The following NEB variants were observed in gnomAD, a reference collection of about 807,000 sequenced individuals.
NEB encodes the protein nemaline myopathy type 2.
NEB carries 512 observed loss-of-function variants against 952.2 expected under a neutral mutation model. That is an observed-to-expected ratio of 0.54 (90% CI 0.50 to 0.58). The LOEUF (loss-of-function observed/expected upper bound fraction) is 0.58. Ranked by LOEUF, NEB falls within the 20% of genes least tolerant of loss-of-function variation. The pLI is 0.00. For missense variants in NEB, 8,428 were observed against 9,231.1 expected (o/e 0.91, Z 3.56); for synonymous variants, 2,900 against 3,149.8 (o/e 0.92, Z 2.66).
At chr2:151,519,625 G>T in intron 154 of NEB, 33 bp downstream of exon 154, 2 of 1,466,366 alleles carry the variant, frequency 1.4e-6, no homozygotes, top group Non-Finnish European at 1.9e-6. Context: ...CAAATACCAT[G>T]TTATATATTT....
In NEB at chr2:151,607,143, C is replaced by A. The variant is rs371598031; in HGVS notation, c.12639+361G>T. Reference sequence around the variant, plus strand: ...ATAGATATCATACCTAGCCCGCCATCTGGATGTAAATAGAAATGGTCTTTT... The same window carrying A: ...ATAGATATCATACCTAGCCCGCCATATGGATGTAAATAGAAATGGTCTTTT... On this transcript the variant is annotated intron_variant, in intron 83 of 181. Transcript: ENST00000397345. Among the ~76,000 whole-genome samples the A allele has an allele frequency of 2.9e-5, 3 of 103,450 alleles. 1 individual carries two copies. Among genetic ancestry groups the A allele is most frequent in the African/African-American group, 7.7e-5 (3 of 38,980 alleles). The allele number at this position is 103,450 out of a possible 152,430, so 67.9% of individuals were successfully genotyped here. A position where few individuals can be genotyped will look rare whatever the true frequency, so the allele number is the denominator to read the frequency against.
Position 151,576,346 on chromosome 2 carries a change from G to A in NEB, c.16713C>T (p.Tyr5571=), listed in dbSNP as rs202142644. 42 of 1,591,790 alleles carry A rather than the reference G, an allele frequency of 2.6e-5. No individual in the cohort carries two copies. The Admixed American group carries it at 6.1e-4, about 23-fold the overall frequency. The change falls in exon 106 of 182, where the codon TAC becomes TAT. Residue 5571 remains tyrosine, a synonymous_variant. Transcript: ENST00000397345. ...CACGCAACCACTCCAAGTCAGCCTT[G>A]TAGAGGGCCTGAAAAAGAAAACACA... ...KAYDLQSDAL[Y]KADLEWLRGI... is the part of the protein sequence containing the mutation.
rs185441677 is a variant in NEB, at chr2:151,710,459, C to T, written c.902G>A (p.Arg301Lys). The part of the protein sequence containing the change: ...ETPCFEVANA[R>K]MNADNISTRK... Reference sequence around the variant, plus strand: ...TGTGCTAATGTTATCAGCATTCATTCTGGCATTTGCAACTTCAAAGCAAGG... The same window carrying T: ...TGTGCTAATGTTATCAGCATTCATTTTGGCATTTGCAACTTCAAAGCAAGG... The change falls in exon 11 of 182, where the codon AGA becomes AAA. Residue 301 changes from arginine (R) to lysine (K), a missense_variant. Coordinates refer to ENST00000397345, the MANE Select transcript of NEB (RefSeq NM_001164508.2). 157 of 1,612,314 alleles carry T rather than the reference C, an allele frequency of 9.7e-5. No homozygotes were observed. In the African/African-American group the frequency reaches 1.9e-3, roughly 19 times the overall value.
Position 151,547,658 on chromosome 2 carries a change from C to T in NEB, c.20238G>A (p.Lys6746=), listed in dbSNP as rs2153617736. The T allele has an allele frequency of 6.2e-7, 1 of 1,613,830 alleles. No individual in the cohort carries two copies. The highest frequency in any genetic ancestry group is 8.5e-7 in the Non-Finnish European group (1 of 1,179,818). The change falls in exon 132 of 182, where the codon AAG becomes AAA. Residue 6746 remains lysine (K), a synonymous_variant. Transcript: ENST00000397345. Reference sequence around the variant, plus strand: ...CCTCACTGACAGCCTCTTGTGTCTTCTTGACTTGGCGGATCTCAGGGGTAT... The same window carrying T: ...CCTCACTGACAGCCTCTTGTGTCTTTTTGACTTGGCGGATCTCAGGGGTAT... ...TPDTPEIRQV[K]KTQEAVSELI... is the part of the protein sequence containing the mutation.
chr2:151,494,126 A>G, intron 174 of NEB, 35 bp downstream of exon 174: 8 of 1,551,236 alleles, frequency 5.2e-6, no homozygotes, highest in Non-Finnish European at 7.0e-6. Flanking sequence ...GTTATTTTGC[A>G]AAATTAAAAG....
rs753830499 is a variant in NEB at position 151,553,829 on chromosome 2, T to C, written c.19625A>G (p.Asp6542Gly). 5.0e-6 allele frequency: 8 copies of C among 1,608,992 alleles called. No homozygotes were observed. Among genetic ancestry groups the C allele is most frequent in the Non-Finnish European group, 6.8e-6 (8 of 1,177,118 alleles). The change falls in exon 126 of 182, where the codon GAT becomes GGT. Residue 6542 changes from aspartate to glycine, a missense_variant and splice_region_variant. Asp to Gly is a moderately conservative substitution (Grantham distance 94). Around this residue, in one of 11 missense-constraint regions of NEB, gnomAD observed 3,374 missense variants for 3,651.5 expected, o/e 0.92. Coordinates refer to ENST00000397345, the MANE Select transcript of NEB (RefSeq NM_001164508.2). ...GTACTTCTTAAGTCACAGGCTTACA[T>C]CGCTGATCTGATCTGTGACTTTCCT... ...HVRKVTDQIS[D>G]IVYKDDLNWL...
chr2:151,560,488 G>A, intron 124 of NEB, 104 bp downstream of exon 124: 1 of 883,502 alleles, frequency 1.1e-6, no homozygotes, highest in Non-Finnish European at 1.8e-6. Flanking sequence ...GGAGTGCTAG[G>A]GGTACTTCTG....
intron 153 of NEB, among the ~76,000 whole-genome samples, chr2:151,522,246 A>T (rs2082429879): frequency 1.3e-5 from 2 of 152,332 alleles, no homozygotes; most frequent in Admixed American, 1.3e-4. Context: ...GGTGCTTCTA[A>T]AGACTGAAGA....
intron 54 of NEB, among the ~76,000 whole-genome samples, 185 bp downstream of exon 54, chr2:151,649,991 G>A (rs2099012875): frequency 6.6e-6 from 1 of 152,162 alleles, no homozygotes. Context: ...AACTGACACT[G>A]ACCCATTTTT....
rs560635876 is a variant in NEB at position 151,647,405 on chromosome 2, C to T, written c.7432-1171G>A. 9.2e-5 allele frequency among the ~76,000 whole-genome samples: 14 copies of T among 152,176 alleles called. No individual in the cohort carries two copies. In the East Asian group the frequency reaches 9.7e-4, roughly 11 times the overall value. ...GATTACAGGTGTGAGCCATCGTGCC[C>T]GGCTAAAACTAGGAAAATTTGATTA... On this transcript the variant is annotated intron_variant, in intron 54 of 181. Coordinates refer to ENST00000397345, the MANE Select transcript of NEB (RefSeq NM_001164508.2).
At chr2:151,682,012 A>G (rs542104135) in intron 29 of NEB, among the ~76,000 whole-genome samples, 1 of 152,198 alleles carries the variant, frequency 6.6e-6, no homozygotes, top group Non-Finnish European at 1.5e-5. Flanking sequence ...CATTACTTTT[A>G]ATGTCAAAAC....
At chr2:151,701,351 C>A (rs1467827947) in intron 13 of NEB, among the ~76,000 whole-genome samples, 1 of 151,914 alleles carries the variant, frequency 6.6e-6, no homozygotes, top group Non-Finnish European at 1.5e-5. Context: ...CTCTCCCTGG[C>A]TTTGGTATCA....
intron 181 of NEB, among the ~76,000 whole-genome samples, chr2:151,487,143 C>A (rs187511621): frequency 6.6e-6 from 1 of 152,150 alleles, no homozygotes; most frequent in Admixed American, 6.5e-5. Flanking sequence ...TCGAAGAGGT[C>A]AGTCTTGTAT....
Position 151,696,688 on chromosome 2 carries a change from T to C in NEB, c.1518A>G (p.Thr506=). 2 of 1,613,914 alleles carry C rather than the reference T, an allele frequency of 1.2e-6. No individual in the cohort carries two copies. The highest frequency in any genetic ancestry group is 1.7e-6 in the Non-Finnish European group (2 of 1,179,832). The change falls in exon 17 of 182, where the codon ACA becomes ACG. Residue 506 remains threonine, a synonymous_variant. Coordinates refer to ENST00000397345, the MANE Select transcript of NEB (RefSeq NM_001164508.2). ...GGGCTTGTAGCAGAACAGGAGAGTCTGTAACTTGGGTGAATTTTGTCTTAT... is the reference window on the plus strand; with the variant it reads ...GGGCTTGTAGCAGAACAGGAGAGTCCGTAACTTGGGTGAATTTTGTCTTAT... ...HPDKTKFTQV[T]DSPVLLQAQV...
At chr2:151,646,271 T>C (rs1303104082) in intron 54 of NEB, 37 bp from the exon 55 acceptor site, 3 of 1,422,020 alleles carry the variant, frequency 2.1e-6, no homozygotes, top group Non-Finnish European at 2.9e-6. Context: ...GTGGTGTTGT[T>C]AGATTAGTGA....
chr2:151,571,347 C>T (rs964264797), intron 107 of NEB, among the ~76,000 whole-genome samples: 10 of 152,166 alleles, frequency 6.6e-5, no homozygotes, highest in Non-Finnish European at 1.3e-4. Context: ...GAAGTAGTTG[C>T]TCATGCTTTA....
intron 44 of NEB, 137 bp downstream of exon 44, chr2:151,664,364 G>C: frequency 1.7e-6 from 1 of 589,984 alleles, no homozygotes; most frequent in East Asian, 2.8e-5. Flanking sequence ...ATGGGGTGAA[G>C]GGAGGTGTCT....
intron 138 of NEB, among the ~76,000 whole-genome samples, chr2:151,539,366 G>A (rs2093700905): frequency 6.6e-6 from 1 of 152,116 alleles, no homozygotes; most frequent in Admixed American, 6.5e-5. Flanking sequence ...TTTCTAACTA[G>A]TAGGCTCTTC....
chr2:151,577,280 C>T (rs570324527), intron 105 of NEB, among the ~76,000 whole-genome samples: 3 of 152,262 alleles, frequency 2.0e-5, no homozygotes, highest in East Asian at 1.9e-4. Flanking sequence ...CTTCCAGCCT[C>T]GTGTCATCTG....
Sources: gnomAD v4.1 joint callset for allele counts (sites outside exome capture counted in the v4.1 genomes callset) on GRCh38, gnomAD v4.1.1 for gene constraint, gnomAD v4.1.1 regional missense constraint, MANE v1.5 for transcripts, NCBI Gene and HGNC (gene_info 2026-07-23, HGNC 2026-07-21) for gene names.